The following PLEKHG1 variants were observed in gnomAD, a reference collection of about 807,000 sequenced individuals.
PLEKHG1 encodes pleckstrin homology domain-containing family G member 1.
Under a neutral mutation model 100.8 loss-of-function variants are expected in PLEKHG1, and 44 were observed. That is an observed-to-expected ratio of 0.44 (90% CI 0.34 to 0.56). PLEKHG1 has a LOEUF of 0.56. Ranked by LOEUF, PLEKHG1 falls within the 20% of genes least tolerant of loss-of-function variation. The pLI is 0.01. For synonymous variants in PLEKHG1, 640 were observed against 662.5 expected (o/e 0.97, Z 0.52); for missense variants, 1,545 against 1,720.9 (o/e 0.90, Z 1.81).
chr6:150,676,239 A>G (rs1476421388), intron 3 of PLEKHG1, among the ~76,000 whole-genome samples: 1 of 152,236 alleles, frequency 6.6e-6, no homozygotes, highest in Non-Finnish European at 1.5e-5. Context: ...GTGCCCACAC[A>G]AGAATTTATA....
At chr6:150,840,720 C>A in exon 16 of PLEKHG1, 1 of 1,614,124 alleles carries the variant, frequency 6.2e-7, no homozygotes, top group Non-Finnish European at 8.5e-7. Context: ...GAATAGTCCG[C>A]GCACTCCAAA....
In PLEKHG1 at chr6:150,723,637, T is replaced by C. The variant is rs368176164; in HGVS notation, c.-99+2437T>C. On this transcript the variant is annotated intron_variant, in intron 1 of 15. Coordinates refer to ENST00000358517, the Ensembl canonical transcript of PLEKHG1. Reference sequence around the variant, plus strand: ...AAGTAATGAGACACATGAAAGAGCATTGAGGTTGGTTTTGGGGGCTTTTTA... The same window carrying C: ...AAGTAATGAGACACATGAAAGAGCACTGAGGTTGGTTTTGGGGGCTTTTTA... 3.9e-5 allele frequency among the ~76,000 whole-genome samples: 6 copies of C among 152,308 alleles called. No homozygotes were observed. The South Asian group carries it at 1.2e-3, about 32-fold the overall frequency.
intron 1 of PLEKHG1, among the ~76,000 whole-genome samples, chr6:150,627,504 G>C (rs899134983): frequency 6.6e-6 from 1 of 151,880 alleles, no homozygotes; most frequent in Non-Finnish European, 1.5e-5. Context: ...AATAGCAGTG[G>C]CCTTTAAAAA....
chr6:150,676,889 C>A (rs1779774440), intron 3 of PLEKHG1, among the ~76,000 whole-genome samples: 2 of 152,134 alleles, frequency 1.3e-5, no homozygotes, highest in South Asian at 4.1e-4. Context: ...GTGCCTTAAC[C>A]ACAAGCTTCA....
chr6:150,741,241 GA>G (rs1471209551), intron 2 of PLEKHG1, among the ~76,000 whole-genome samples: 6 of 152,216 alleles, frequency 3.9e-5, no homozygotes, highest in African/African-American at 1.4e-4. Context: ...AGAGCAAAAT[GA>G]GTTGAGATTT....
chr6:150,795,782 CT>C (rs1786293990), intron 4 of PLEKHG1, 73 bp from the exon 6 acceptor site: 1 of 850,150 alleles, frequency 1.2e-6, no homozygotes, highest in Admixed American at 1.9e-5. Context: ...AATGCTATTT[CT>C]TTTTATTGTT....
intron 3 of PLEKHG1, chr6:150,686,843 C>G (rs1242569753): frequency 6.5e-6 from 1 of 152,726 alleles, no homozygotes; most frequent in African/African-American, 2.4e-5. Flanking sequence ...CCCCCACCCA[C>G]CAAGGCAGGA....
At chr6:150,682,134 T>C (rs1355232110) in intron 3 of PLEKHG1, among the ~76,000 whole-genome samples, 1 of 152,144 alleles carries the variant, frequency 6.6e-6, no homozygotes, top group African/African-American at 2.4e-5. Context: ...GCAGCCTCTG[T>C]GCATGGTGAG....
At chr6:150,604,534 CTCTGTTTTAAA>C in intron 1 of PLEKHG1, among the ~76,000 whole-genome samples, 1 of 152,178 alleles carries the variant, frequency 6.6e-6, no homozygotes, top group East Asian at 1.9e-4. Flanking sequence ...AGTTTGCTGG[CTCTGTTTTAAA>C]TGAACTATTC....
chr6:150,724,861 T>A (rs142084522), intron 1 of PLEKHG1, among the ~76,000 whole-genome samples: 1 of 152,196 alleles, frequency 6.6e-6, no homozygotes, highest in Non-Finnish European at 1.5e-5. Flanking sequence ...GCGCCTGGCC[T>A]AGGGAATTTC....
intron 3 of PLEKHG1, among the ~76,000 whole-genome samples, chr6:150,702,103 T>G (rs1780813065): frequency 6.6e-6 from 1 of 152,220 alleles, no homozygotes; most frequent in South Asian, 2.1e-4. Context: ...AATATAAAAC[T>G]AAATTTTCAA....
At chr6:150,694,688 ACT>A (rs1028787485) in intron 3 of PLEKHG1, among the ~76,000 whole-genome samples, 1 of 144,100 alleles carries the variant, frequency 6.9e-6, no homozygotes, top group Non-Finnish European at 1.5e-5. Flanking sequence ...CAACAGTGAG[ACT>A]CTGTCTCAAA....
chr6:150,599,908 C>A lies in PLEKHG1; in HGVS notation c.-313C>A. 4 of 189,992 alleles carry A rather than the reference C, an allele frequency of 2.1e-5. No individual in the cohort carries two copies. The South Asian group carries it at 2.3e-4, about 11-fold the overall frequency. The allele number at this position is 189,992 out of a possible 1,614,324, so 11.8% of individuals were successfully genotyped here. On this transcript the variant is annotated 5_prime_UTR_variant, in exon 1 of 4. Transcript: ENST00000367326. ...CCGAGCCTGAGCCCGAGCCCGAGCC[C>A]GACGGCGGCTGCAGGGCGCTCCGGC...
At chr6:150,766,239 T>C (rs1784448728) in intron 2 of PLEKHG1, among the ~76,000 whole-genome samples, 1 of 152,214 alleles carries the variant, frequency 6.6e-6, no homozygotes, top group South Asian at 2.1e-4. Context: ...GTGCAAAAGT[T>C]TTAAATTGAT....
intron 3 of PLEKHG1, among the ~76,000 whole-genome samples, chr6:150,780,346 C>T (rs1785241853): frequency 6.6e-6 from 1 of 151,950 alleles, no homozygotes; most frequent in Non-Finnish European, 1.5e-5. Flanking sequence ...GAACTCCTGA[C>T]CTCATGATCT....
chr6:150,806,222 G>A (rs958439805), intron 7 of PLEKHG1, among the ~76,000 whole-genome samples: 4 of 75,110 alleles, frequency 5.3e-5, no homozygotes, highest in Non-Finnish European at 1.0e-4. Flanking sequence ...CTTCCAGGCT[G>A]CTTTTTTTTT....
At chr6:150,763,806 A>T (rs1394131168) in intron 2 of PLEKHG1, among the ~76,000 whole-genome samples, 1 of 152,224 alleles carries the variant, frequency 6.6e-6, no homozygotes, top group Non-Finnish European at 1.5e-5. Context: ...TAACTCACTC[A>T]TGCCACAGTG....
intron 1 of PLEKHG1, among the ~76,000 whole-genome samples, chr6:150,724,558 CTTTTTTTTT>C (rs34140367): frequency 1.0e-5 from 1 of 100,472 alleles, no homozygotes; most frequent in East Asian, 2.8e-4. Context: ...TTTTCTTTTT[CTTTTTTTTT>C]TTTTTTTTTT....
At chr6:150,832,081 G>A (rs778153122) in exon 15 of PLEKHG1, 101 of 1,614,012 alleles carry the variant, frequency 6.3e-5, no homozygotes, top group Non-Finnish European at 8.0e-5. Context: ...TTAAGAAGGC[G>A]AATCAACTTT....
Sources: gnomAD v4.1 joint callset for allele counts (sites outside exome capture counted in the v4.1 genomes callset) on GRCh38, gnomAD v4.1.1 for gene constraint, MANE v1.5 for transcripts, NCBI Gene and HGNC (gene_info 2026-07-23, HGNC 2026-07-21) for gene names.